The following ATP2B4 variants were observed in gnomAD, a reference collection of about 807,000 sequenced individuals.
ATP2B4 encodes the protein ATPase plasma membrane Ca2+ transporting 4.
A neutral mutation model predicts 110.3 loss-of-function variants in ATP2B4; 39 were observed. The observed-to-expected ratio is 0.35, with a 90% CI of 0.27 to 0.46. The LOEUF is 0.46. Among genes scored for constraint, ATP2B4 ranks in the 20% least tolerant of loss-of-function variants. ATP2B4 has a pLI of 1.00. For synonymous variants in ATP2B4, 538 were observed against 571.7 expected (o/e 0.94, Z 0.84); for missense variants, 1,135 against 1,530.9 (o/e 0.74, Z 4.32).
intron 1 of ATP2B4, among the ~76,000 whole-genome samples, chr1:203,658,222 G>C (rs1468799438): frequency 6.6e-6 from 1 of 152,080 alleles, no homozygotes; most frequent in Non-Finnish European, 1.5e-5. Flanking sequence ...GAAAGTCTAA[G>C]ATTCAAGAAG....
chr1:203,632,789 CTG>C (rs916195810), intron 1 of ATP2B4, among the ~76,000 whole-genome samples: 6 of 150,666 alleles, frequency 4.0e-5, no homozygotes, highest in African/African-American at 7.3e-5. Context: ...AAATTGGAAA[CTG>C]TTTCGTTTAT....
intron 1 of ATP2B4, among the ~76,000 whole-genome samples, chr1:203,636,442 A>G (rs1355334357): frequency 1.3e-5 from 2 of 152,044 alleles, no homozygotes; most frequent in Non-Finnish European, 2.9e-5. Flanking sequence ...TAGGCCCTAC[A>G]TGACTCAGGG....
intron 15 of ATP2B4, among the ~76,000 whole-genome samples, chr1:203,720,304 G>A (rs542176669): frequency 1.6e-4 from 25 of 152,318 alleles, no homozygotes; most frequent in Non-Finnish European, 1.0e-4. Context: ...GAGTAGGAGG[G>A]GAGGGTGAAA....
intron 20 of ATP2B4, among the ~76,000 whole-genome samples, chr1:203,736,059 T>C (rs1666869585): frequency 6.6e-6 from 1 of 152,208 alleles, no homozygotes; most frequent in Non-Finnish European, 1.5e-5. Flanking sequence ...AAACCCTCTT[T>C]CCCATTCCAG....
chr1:203,714,973 G>A (rs1409154496), intron 15 of ATP2B4, among the ~76,000 whole-genome samples: 1 of 152,068 alleles, frequency 6.6e-6, no homozygotes, highest in East Asian at 1.9e-4. Context: ...AAAATAGGGA[G>A]AATTGACAGG....
chr1:203,657,115 C>A (rs1344748679), intron 1 of ATP2B4: 35 of 825,902 alleles, frequency 4.2e-5, no homozygotes, highest in Non-Finnish European at 3.4e-5. Context: ...GGTAATAACA[C>A]CCACAGTTGT....
chr1:203,671,362 A>G (rs1044857895), intron 1 of ATP2B4, among the ~76,000 whole-genome samples: 5 of 151,922 alleles, frequency 3.3e-5, no homozygotes, highest in African/African-American at 7.3e-5. Context: ...AAGTCTCACT[A>G]TGTTGCCAAG....
chr1:203,703,864 C>T, intron 8 of ATP2B4, 51 bp downstream of exon 8: 1 of 1,583,500 alleles, frequency 6.3e-7, no homozygotes, highest in Non-Finnish European at 8.6e-7. Context: ...CTTGGATCCT[C>T]ATCACTTTTA....
At position 203,699,616 on chromosome 1, in the gene ATP2B4, G is replaced by A. The variant is rs199621401; in HGVS notation, c.548G>A (p.Arg183His). The A allele has an allele frequency of 1.4e-4, 228 of 1,614,108 alleles. No homozygotes were observed. The highest frequency in any genetic ancestry group is 1.8e-4 in the Non-Finnish European group (212 of 1,180,010). The change falls in exon 4 of 21, where the codon CGC (arginine) becomes CAC (histidine). Residue 183 changes from arginine (R) to histidine (H), a missense_variant. By Grantham distance (29) the Arg-to-His change is conservative (BLOSUM62 0). Coordinates refer to ENST00000357681, the MANE Select transcript of ATP2B4 (RefSeq NM_001684.5). ...KEKQFRGLQCRIEQEQKFSII... is the reference protein window; with the variant it reads ...KEKQFRGLQCHIEQEQKFSII... ...AAGCAATTCCGGGGGCTGCAGTGCC[G>A]CATTGAACAGGAGCAAAAGTTCTCC...
chr1:203,707,993 T>G lies in ATP2B4; in HGVS notation c.1446T>G (p.Ile482Met), dbSNP rs1458456327. Residue 482 changes from isoleucine (I) to methionine (M), a missense_variant, in exon 10 of 21, where the codon ATT becomes ATG. Transcript: ENST00000357681. ...GCATGACTGTGGTACAAGCTTATATTGGGGGCATCCATTACCGTCAAATCC... is the reference window on the plus strand; with the variant it reads ...GCATGACTGTGGTACAAGCTTATATGGGGGGCATCCATTACCGTCAAATCC... ...MNRMTVVQAYIGGIHYRQIPS... is the reference protein window; with the variant it reads ...MNRMTVVQAYMGGIHYRQIPS... 1 of 1,614,192 alleles carries G rather than the reference T, an allele frequency of 6.2e-7. No individual in the cohort carries two copies. Among genetic ancestry groups the G allele is most frequent in the Non-Finnish European group, 8.5e-7 (1 of 1,180,040 alleles).
rs1336563211 is a variant in ATP2B4 at position 203,657,739 on chromosome 1, C to G, written c.-464-25003C>G. On this transcript the variant is annotated intron_variant, in intron 1 of 20. Coordinates refer to ENST00000357681, the MANE Select transcript of ATP2B4 (RefSeq NM_001684.5). Reference sequence around the variant, plus strand: ...TATCCATAGTGTTTATGGTGTAATTCAATATATTCGTTCTGTGGCATGGTG... The same window carrying G: ...TATCCATAGTGTTTATGGTGTAATTGAATATATTCGTTCTGTGGCATGGTG... The G allele has an allele frequency of 5.6e-6, 4 of 716,964 alleles. No homozygotes were observed. In the African/African-American group the frequency reaches 7.2e-5, roughly 13 times the overall value. 44.4% of individuals were successfully genotyped at this position (716,964 alleles called of 1,614,324 possible).
At chr1:203,661,591 T>C (rs912380199) in intron 1 of ATP2B4, among the ~76,000 whole-genome samples, 1 of 152,140 alleles carries the variant, frequency 6.6e-6, no homozygotes, top group Non-Finnish European at 1.5e-5. Context: ...TCCTGCTCTT[T>C]GAAAAGGTGA....
rs1378219304 is a variant in ATP2B4 at position 203,722,669 on chromosome 1, T to C, written c.3004T>C (p.Leu1002=). 1 of 1,614,188 alleles carries C rather than the reference T, an allele frequency of 6.2e-7. No individual in the cohort carries two copies. ...YRNIIFCSVV[L]GTFICQIFIV... Reference sequence around the variant, plus strand: ...CAACATTATCTTCTGCTCTGTAGTCTTGGGCACATTCATCTGCCAGGTGAG... The same window carrying C: ...CAACATTATCTTCTGCTCTGTAGTCCTGGGCACATTCATCTGCCAGGTGAG... The change falls in exon 18 of 21, where the codon TTG becomes CTG. Residue 1002 remains leucine, a synonymous_variant. Transcript: ENST00000357681.
chr1:203,727,868 A>C lies in ATP2B4; in HGVS notation c.3309+297A>C, dbSNP rs78209624. On this transcript the variant is annotated intron_variant, in intron 20 of 20. Coordinates refer to ENST00000357681, the MANE Select transcript of ATP2B4 (RefSeq NM_001684.5). ...CTCTATCAAATGGGCAAGCTTCAGC[A>C]TAAGGTCTCTTGCAAGCACTAGACC... is the stretch of plus-strand genomic sequence containing the variant. 2.9e-3 allele frequency: 1,154 copies of C among 399,502 alleles called. 13 individuals are homozygous for C. Among genetic ancestry groups the C allele is most frequent in the East Asian group, 0.025 (463 of 18,408 alleles). 24.7% of individuals were successfully genotyped at this position (399,502 alleles called of 1,614,324 possible). A position where few individuals can be genotyped will look rare whatever the true frequency, so the allele number is the denominator to read the frequency against.
At chr1:203,657,561 T>G in intron 1 of ATP2B4, 1 of 874,010 alleles carries the variant, frequency 1.1e-6, no homozygotes, top group Admixed American at 1.8e-5. Flanking sequence ...GATAGTCTTT[T>G]TCATTTGTAT....
At chr1:203,682,416 G>A (rs991441850) in intron 1 of ATP2B4, among the ~76,000 whole-genome samples, 1 of 152,172 alleles carries the variant, frequency 6.6e-6, no homozygotes, top group African/African-American at 2.4e-5. Context: ...AAACATTAGA[G>A]CCATCAGAGG....
intron 2 of ATP2B4, among the ~76,000 whole-genome samples, chr1:203,686,681 CTTTCTTTTTTTT>C (rs1665192544): frequency 3.3e-5 from 1 of 30,424 alleles, no homozygotes; most frequent in Non-Finnish European, 7.0e-5. Context: ...TCTTTCTTTT[CTTTCTTTTTTTT>C]TTTTTTTTTT....
At chr1:203,631,536 A>G (rs1663266222) in intron 1 of ATP2B4, among the ~76,000 whole-genome samples, 1 of 152,154 alleles carries the variant, frequency 6.6e-6, no homozygotes, top group African/African-American at 2.4e-5. Context: ...GGCAAGGTCT[A>G]CCTAGGTTGC....
At chr1:203,655,349 A>T (rs1397096341) in intron 1 of ATP2B4, among the ~76,000 whole-genome samples, 1 of 13,968 alleles carries the variant, frequency 7.2e-5, no homozygotes, top group South Asian at 0.013. Flanking sequence ...CTTCATGGGG[A>T]TGTAAAAAAA....
Sources: gnomAD v4.1 joint callset for allele counts (sites outside exome capture counted in the v4.1 genomes callset) on GRCh38, gnomAD v4.1.1 for gene constraint, MANE v1.5 for transcripts, NCBI Gene and HGNC (gene_info 2026-07-23, HGNC 2026-07-21) for gene names.